LPAR1: variants seen among roughly 807,000 people sequenced by gnomAD.
LPAR1 encodes LPA receptor 1.
Under a neutral mutation model 23.8 loss-of-function variants are expected in LPAR1, and 5 were observed. The observed-to-expected ratio is 0.21, with a 90% CI of 0.11 to 0.44. The LOEUF is 0.44. Ranked by LOEUF, LPAR1 falls within the 20% of genes least tolerant of loss-of-function variation. The pLI is 0.99. For synonymous variants in LPAR1, 160 were observed against 164.7 expected (o/e 0.97, Z 0.22); for missense variants, 311 against 482.8 (o/e 0.64, Z 3.33).
chr9:110,908,987 A>C (rs1430201581), intron 5 of LPAR1, among the ~76,000 whole-genome samples: 1 of 152,180 alleles, frequency 6.6e-6, no homozygotes, highest in Non-Finnish European at 1.5e-5. Flanking sequence ...TTCTTGGGAA[A>C]GGACCTTCAG....
intron 4 of LPAR1, among the ~76,000 whole-genome samples, chr9:110,953,635 C>G (rs1385535101): frequency 1.3e-5 from 2 of 150,414 alleles, no homozygotes; most frequent in African/African-American, 2.5e-5. Context: ...GTCACTCCAG[C>G]CTGGGCAACA....
chr9:111,000,591 T>C (rs1404677218), intron 2 of LPAR1, among the ~76,000 whole-genome samples: 1 of 152,156 alleles, frequency 6.6e-6, no homozygotes, highest in Non-Finnish European at 1.5e-5. Flanking sequence ...CGTGCCTCAG[T>C]GTGAGCTGTG....
At chr9:110,925,937 T>C (rs1055697752) in intron 5 of LPAR1, among the ~76,000 whole-genome samples, 1 of 152,200 alleles carries the variant, frequency 6.6e-6, no homozygotes, top group African/African-American at 2.4e-5. Context: ...TTTTGTTTTT[T>C]TGAGTTGGAC....
chr9:110,913,042 T>C (rs62573184), intron 5 of LPAR1, among the ~76,000 whole-genome samples: 18,563 of 152,234 alleles, frequency 0.12, 1,223 homozygotes, highest in South Asian at 0.13. Context: ...TGTGTGCTAT[T>C]TGTGCTATTT....
chr9:110,939,726 C>G (rs963005188), intron 5 of LPAR1, among the ~76,000 whole-genome samples: 1 of 152,106 alleles, frequency 6.6e-6, no homozygotes, highest in Non-Finnish European at 1.5e-5. Flanking sequence ...ATACAAAGGT[C>G]AAAATTAAAA....
chr9:110,916,814 C>A (rs2093159599), intron 5 of LPAR1, among the ~76,000 whole-genome samples: 1 of 150,876 alleles, frequency 6.6e-6, no homozygotes, highest in Non-Finnish European at 1.5e-5. Flanking sequence ...ATGTCAGCAA[C>A]AAAGATAATA....
intron 4 of LPAR1, among the ~76,000 whole-genome samples, chr9:110,966,541 C>A (rs908311101): frequency 6.6e-6 from 1 of 150,928 alleles, no homozygotes; most frequent in Non-Finnish European, 1.5e-5. Flanking sequence ...ACTACCATGG[C>A]ACATGTATAC....
intron 2 of LPAR1, among the ~76,000 whole-genome samples, chr9:110,982,468 G>C (rs553098514): frequency 3.3e-5 from 5 of 152,092 alleles, no homozygotes; most frequent in African/African-American, 1.2e-4. Context: ...ACACACTGGG[G>C]CCTGTCAGGG....
At chr9:110,904,502 T>C (rs546811486) in intron 5 of LPAR1, among the ~76,000 whole-genome samples, 28 of 152,244 alleles carry the variant, frequency 1.8e-4, no homozygotes, top group African/African-American at 6.7e-4. Context: ...AAAGACATAG[T>C]AAATAAATAG....
chr9:110,934,821 A>AACACACAC (rs34585506), intron 5 of LPAR1, among the ~76,000 whole-genome samples: 3 of 149,142 alleles, frequency 2.0e-5, no homozygotes, highest in African/African-American at 7.4e-5. Flanking sequence ...CACACACACA[A>AACACACAC]ACACACACAC....
chr9:110,955,351 C>T (rs936550064), intron 4 of LPAR1, among the ~76,000 whole-genome samples: 2 of 152,040 alleles, frequency 1.3e-5, no homozygotes, highest in African/African-American at 4.8e-5. Context: ...AGGGTCATTA[C>T]ATAACGATAA....
At chr9:110,891,978 G>A (rs1479680709) in intron 5 of LPAR1, among the ~76,000 whole-genome samples, 3 of 152,126 alleles carry the variant, frequency 2.0e-5, no homozygotes, top group Non-Finnish European at 2.9e-5. Context: ...AAAACAGTTT[G>A]GCAGCTTCCT....
chr9:110,916,477 C>T (rs547765744), intron 5 of LPAR1, among the ~76,000 whole-genome samples: 2 of 152,296 alleles, frequency 1.3e-5, no homozygotes, highest in East Asian at 3.9e-4. Context: ...TACTATAAAA[C>T]ATTGACATAG....
intron 5 of LPAR1, among the ~76,000 whole-genome samples, chr9:110,892,388 C>G (rs1169784894): frequency 6.6e-6 from 1 of 152,032 alleles, no homozygotes; most frequent in Admixed American, 6.6e-5. Flanking sequence ...TAGCTCAGGC[C>G]GGCACGGTGG....
chr9:110,952,839 C>T (rs2095612787), intron 4 of LPAR1, among the ~76,000 whole-genome samples: 1 of 152,164 alleles, frequency 6.6e-6, no homozygotes, highest in South Asian at 2.1e-4. Context: ...GACACGTCCA[C>T]CTGGCCCAGC....
chr9:111,030,021 G>C (rs1409630717), intron 2 of LPAR1, among the ~76,000 whole-genome samples: 1 of 141,040 alleles, frequency 7.1e-6, no homozygotes, highest in Non-Finnish European at 1.5e-5. Context: ...ACTCCAGCCT[G>C]GGCAATAAAG....
At chr9:110,963,777 T>C (rs2137538561) in intron 4 of LPAR1, among the ~76,000 whole-genome samples, 1 of 152,330 alleles carries the variant, frequency 6.6e-6, no homozygotes, top group Admixed American at 6.5e-5. Flanking sequence ...TAACAGTTAT[T>C]TTTGCCATTT....
intron 5 of LPAR1, among the ~76,000 whole-genome samples, chr9:110,933,047 A>G (rs1210042208): frequency 2.0e-5 from 3 of 152,340 alleles, no homozygotes; most frequent in African/African-American, 7.2e-5. Context: ...AACTCTGAAG[A>G]GTCAGCAGAT....
Position 111,022,431 on chromosome 9 carries a change from C to A in LPAR1, c.-182+13691G>T, listed in dbSNP as rs115589907. Reference sequence around the variant, plus strand: ...ACTTTATGGACTTCTAATTTAAAATCTTTCTTTTAAACTCTTCAGTTTTAA... The same window carrying A: ...ACTTTATGGACTTCTAATTTAAAATATTTCTTTTAAACTCTTCAGTTTTAA... On this transcript the variant is annotated intron_variant, in intron 2 of 5. Coordinates refer to ENST00000683809, the MANE Select transcript of LPAR1 (RefSeq NM_001351411.2). 5.7e-3 allele frequency among the ~76,000 whole-genome samples: 872 copies of A among 152,208 alleles called. 11 individuals carry two copies. Among genetic ancestry groups the A allele is most frequent in the African/African-American group, 0.02 (822 of 41,538 alleles).
Sources: gnomAD v4.1 joint callset for allele counts (sites outside exome capture counted in the v4.1 genomes callset) on GRCh38, gnomAD v4.1.1 for gene constraint, MANE v1.5 for transcripts, NCBI Gene and HGNC (gene_info 2026-07-23, HGNC 2026-07-21) for gene names.